Variants in TFAP2D observed in about 807,000 individuals in gnomAD.
The protein encoded by TFAP2D is transcription factor AP-2 delta.
TFAP2D carries 9 observed loss-of-function variants against 43.6 expected under a neutral mutation model. The ratio of observed to expected loss-of-function variants is 0.21; its 90% CI spans 0.12 to 0.36. The LOEUF is 0.36. Ranked by LOEUF, TFAP2D falls within the 10% of genes least tolerant of loss-of-function variation. The probability of loss-of-function intolerance (pLI) is 1.00; values close to 1 mark genes in which losing one functional copy is unlikely to be tolerated. For synonymous variants in TFAP2D, 256 were observed against 224.9 expected (o/e 1.14, Z -1.24); for missense variants, 513 against 561.4 (o/e 0.91, Z 0.87).
chr6:50,730,240 G>T (rs1220532713), intron 5 of TFAP2D, among the ~76,000 whole-genome samples: 3 of 152,026 alleles, frequency 2.0e-5, no homozygotes, highest in African/African-American at 7.2e-5. Flanking sequence ...AGCATTTATT[G>T]TACAACACTG....
At chr6:50,765,079 C>G (rs527244429) in intron 7 of TFAP2D, among the ~76,000 whole-genome samples, 1 of 152,192 alleles carries the variant, frequency 6.6e-6, no homozygotes, top group East Asian at 1.9e-4. Flanking sequence ...TGACCAACAT[C>G]GCCCCATTTC....
chr6:50,733,748 C>G (rs1768925281), intron 5 of TFAP2D, among the ~76,000 whole-genome samples: 1 of 152,022 alleles, frequency 6.6e-6, no homozygotes, highest in Admixed American at 6.6e-5. Context: ...CCCTTCTTAT[C>G]TAGGAAGTTC....
chr6:50,755,687 A>G lies in TFAP2D; in HGVS notation c.1139+4363A>G, dbSNP rs1305343588. The stretch of plus-strand genomic sequence containing the variant: ...ATCAAGTTTTGTATTGTATACTAAT[A>G]TATTAAAAACATTCTACTGGGAGCC... On this transcript the variant is annotated intron_variant, in intron 7 of 7. Transcript: ENST00000008391. Among the ~76,000 whole-genome samples the G allele has an allele frequency of 5.3e-5, 8 of 151,980 alleles. No individual in the cohort carries two copies. In the East Asian group the frequency reaches 1.5e-3, roughly 29 times the overall value.
At chr6:50,760,386 C>T (rs1294333657) in intron 7 of TFAP2D, among the ~76,000 whole-genome samples, 1 of 151,852 alleles carries the variant, frequency 6.6e-6, no homozygotes, top group Admixed American at 6.6e-5. Flanking sequence ...CATCCCAAAC[C>T]AATTAAATCA....
intron 7 of TFAP2D, among the ~76,000 whole-genome samples, chr6:50,767,070 T>C (rs991113376): frequency 6.6e-6 from 1 of 152,254 alleles, no homozygotes; most frequent in African/African-American, 2.4e-5. Context: ...TCATTTATTA[T>C]AACAGTTTTT....
chr6:50,724,658 C>T (rs969248574), intron 3 of TFAP2D, among the ~76,000 whole-genome samples: 3 of 152,000 alleles, frequency 2.0e-5, no homozygotes, highest in Admixed American at 6.5e-5. Context: ...TGGAGACAGC[C>T]GCCGCTGTTT....
chr6:50,715,745 T>TCACA lies in TFAP2D; in HGVS notation c.537+133_537+134insACAC, dbSNP rs1210122207. On this transcript the variant is annotated intron_variant, in intron 2 of 7. Coordinates refer to ENST00000008391, the MANE Select transcript of TFAP2D (RefSeq NM_172238.4). ...TCCTCTCTCTCTCTCTCTCTCTCTC[T>TCACA]CTCTCACACACACACACACACACAC... is the stretch of plus-strand genomic sequence containing the variant. 625 of 598,770 alleles carry TCACA rather than the reference T, an allele frequency of 1.0e-3. 6 individuals are homozygous for TCACA. In the African/African-American group the frequency reaches 0.014, roughly 13 times the overall value. The allele number at this position is 598,770 out of a possible 1,614,324, so 37.1% of individuals were successfully genotyped here.
intron 6 of TFAP2D, among the ~76,000 whole-genome samples, chr6:50,750,687 A>G (rs1168583836): frequency 1.3e-5 from 2 of 152,006 alleles, no homozygotes; most frequent in Non-Finnish European, 2.9e-5. Context: ...TTGTGAGGCT[A>G]GTGAACTAAA....
chr6:50,766,706 G>C (rs1320295102), intron 7 of TFAP2D, among the ~76,000 whole-genome samples: 4 of 110,688 alleles, frequency 3.6e-5, no homozygotes, highest in Non-Finnish European at 5.2e-5. Flanking sequence ...CTGTCGCCCA[G>C]GCCGGACTGC....
intron 7 of TFAP2D, among the ~76,000 whole-genome samples, chr6:50,756,956 G>T (rs9395619): frequency 0.3 from 46,068 of 151,472 alleles, 7,175 homozygotes; most frequent in East Asian, 0.43. Flanking sequence ...TTCCCCTGTT[G>T]GTCTCTTATG....
At chr6:50,738,332 G>A (rs1281109289) in intron 5 of TFAP2D, among the ~76,000 whole-genome samples, 1 of 134,636 alleles carries the variant, frequency 7.4e-6, no homozygotes, top group African/African-American at 2.5e-5. Context: ...TGGCTGTTAT[G>A]GGTTTTTGTT....
chr6:50,753,008 A>G (rs1402572066), intron 7 of TFAP2D, among the ~76,000 whole-genome samples: 1 of 151,934 alleles, frequency 6.6e-6, no homozygotes, highest in East Asian at 1.9e-4. Context: ...TAAATGACGT[A>G]TCATTTACCT....
At chr6:50,769,747 A>C (rs530504025) in intron 7 of TFAP2D, among the ~76,000 whole-genome samples, 1 of 152,326 alleles carries the variant, frequency 6.6e-6, no homozygotes, top group South Asian at 2.1e-4. Context: ...TCAGCCTGGG[A>C]GGAACATAAG....
At chr6:50,732,558 C>T (rs573472808) in intron 5 of TFAP2D, among the ~76,000 whole-genome samples, 200 of 152,146 alleles carry the variant, frequency 1.3e-3, no homozygotes, top group Middle Eastern at 6.8e-3. Context: ...TAAACTTCTA[C>T]GACTTTGCAG....
At chr6:50,756,700 A>G (rs1769270151) in intron 7 of TFAP2D, among the ~76,000 whole-genome samples, 1 of 152,034 alleles carries the variant, frequency 6.6e-6, no homozygotes, top group African/African-American at 2.4e-5. Context: ...AGTACCATCA[A>G]CAGTGTGTAT....
chr6:50,745,057 T>G, intron 5 of TFAP2D, 50 bp from the exon 6 acceptor site: 1 of 1,605,632 alleles, frequency 6.2e-7, no homozygotes, highest in Non-Finnish European at 8.5e-7. Flanking sequence ...ACACTACTGT[T>G]ATTAAGGTTG....
chr6:50,755,010 G>C (rs1054096769), intron 7 of TFAP2D, among the ~76,000 whole-genome samples: 2 of 151,844 alleles, frequency 1.3e-5, no homozygotes, highest in Admixed American at 6.6e-5. Context: ...TGCTTTTGGT[G>C]TCAAATCCAG....
rs1289465427 is a variant in TFAP2D, at chr6:50,713,839, T to A, written c.-217T>A. On this transcript the variant is annotated 5_prime_UTR_variant, in exon 1 of 8. Coordinates refer to ENST00000008391, the MANE Select transcript of TFAP2D (RefSeq NM_172238.4). ...ACAAAATCTGTTCCAGGGAGCTGCTTTTGTGCAGAGGGAAAATTTTGTTCC... is the reference window on the plus strand; with the variant it reads ...ACAAAATCTGTTCCAGGGAGCTGCTATTGTGCAGAGGGAAAATTTTGTTCC... 1 of 633,334 alleles carries A rather than the reference T, an allele frequency of 1.6e-6. No individual in the cohort carries two copies. Among genetic ancestry groups the A allele is most frequent in the African/African-American group, 1.9e-5 (1 of 54,038 alleles). The allele number at this position is 633,334 out of a possible 1,614,324, so 39.2% of individuals were successfully genotyped here.
At chr6:50,743,295 A>T (rs972756728) in intron 5 of TFAP2D, among the ~76,000 whole-genome samples, 9 of 152,134 alleles carry the variant, frequency 5.9e-5, no homozygotes, top group Non-Finnish European at 1.3e-4. Flanking sequence ...ATTAAACTAG[A>T]CTTTTTTGCT....
Sources: allele counts gnomAD v4.1 joint callset (sites outside exome capture counted in the v4.1 genomes callset), GRCh38; gene constraint gnomAD v4.1.1; transcripts MANE v1.5; gene names NCBI Gene and HGNC (gene_info 2026-07-23, HGNC 2026-07-21).